KIRREL3: variants seen among roughly 807,000 people sequenced by gnomAD.
KIRREL3 encodes the protein kirre like nephrin family adhesion molecule 3.
A neutral mutation model predicts 89.7 loss-of-function variants in KIRREL3; 36 were observed. The ratio of observed to expected loss-of-function variants is 0.40; its 90% CI spans 0.31 to 0.53. The LOEUF is 0.53. Among genes scored for constraint, KIRREL3 ranks in the 20% least tolerant of loss-of-function variants. The probability of loss-of-function intolerance (pLI) is 0.49; values close to 1 mark genes in which losing one functional copy is unlikely to be tolerated. For synonymous variants in KIRREL3, 445 were observed against 441.4 expected (o/e 1.01, Z -0.10); for missense variants, 864 against 1,056.6 (o/e 0.82, Z 2.53).
In KIRREL3 at chr11:126,508,872, A is replaced by G. The variant is rs1411057350; in HGVS notation, c.433+12443T>C. 6.6e-6 allele frequency among the ~76,000 whole-genome samples: 1 copy of G among 152,176 alleles called. No individual in the cohort carries two copies. The highest frequency in any genetic ancestry group is 1.5e-5 in the Non-Finnish European group (1 of 68,032). ...TGGGTTCCTCAGCACAGTGCCTGTC[A>G]TAGAGTGGCAGCTCACCAGCGTCAC... On this transcript the variant is annotated intron_variant, in intron 4 of 16. Coordinates refer to ENST00000525144, the MANE Select transcript of KIRREL3 (RefSeq NM_032531.4). This position sits in a 1 kb window ranked among gnomAD's most constrained non-coding sequence, Gnocchi z 4.9.
At chr11:126,510,472 T>TTCCTTCCTTC (rs1565511108) in intron 4 of KIRREL3, among the ~76,000 whole-genome samples, 17 of 85,270 alleles carry the variant, frequency 2.0e-4, no homozygotes, top group African/African-American at 1.8e-3. Context: ...TTCCTTCCTT[T>TTCCTTCCTTC]TTTTTGAGAT....
rs1198247930 is a variant in KIRREL3, at chr11:126,640,012, C to G, written c.56-77100G>C. 2.0e-5 allele frequency among the ~76,000 whole-genome samples: 3 copies of G among 152,160 alleles called. No homozygotes were observed. Among genetic ancestry groups the G allele is most frequent in the Non-Finnish European group, 2.9e-5 (2 of 68,026 alleles). ...ACTTGATGTGACATCTGCATGAATA[C>G]TAAATAACTTCATTACGATCAGTAC... On this transcript the variant is annotated intron_variant, in intron 1 of 16. Coordinates refer to ENST00000525144, the MANE Select transcript of KIRREL3 (RefSeq NM_032531.4). The surrounding 1 kb of genome is among the most constrained non-coding windows in gnomAD (Gnocchi z 4.9).
chr11:126,928,757 T>A (rs1026150851), intron 1 of KIRREL3, among the ~76,000 whole-genome samples: 4 of 152,044 alleles, frequency 2.6e-5, no homozygotes, highest in African/African-American at 7.2e-5. Context: ...TTAAAGTTGG[T>A]TTGTTTTGTT....
intron 1 of KIRREL3, among the ~76,000 whole-genome samples, chr11:126,942,497 G>A (rs2135117804): frequency 6.6e-6 from 1 of 152,284 alleles, no homozygotes; most frequent in South Asian, 2.1e-4. Flanking sequence ...GGGAACAGAA[G>A]CTGGCCCTTC....
chr11:126,755,902 A>T lies in KIRREL3; in HGVS notation c.56-192990T>A, dbSNP rs941590442. Among the ~76,000 whole-genome samples, 7 of 144,100 alleles carry T rather than the reference A, an allele frequency of 4.9e-5. No homozygotes were observed. The highest frequency in any genetic ancestry group is 1.9e-4 in the African/African-American group (7 of 37,346). The allele number at this position is 144,100 out of a possible 152,430, so 94.5% of individuals were successfully genotyped here. ...ACAGAGAGAGAGAGAGAGAGAGAAG[A>T]CTGAGCTGAGCACCCAGCACCTAAT... On this transcript the variant is annotated intron_variant, in intron 1 of 16. Coordinates refer to ENST00000525144, the MANE Select transcript of KIRREL3 (RefSeq NM_032531.4). The surrounding 1 kb of genome is among the most constrained non-coding windows in gnomAD (Gnocchi z 4.3).
rs541265932 is a variant in KIRREL3, at chr11:126,985,654, G to A, written c.55+14801C>T. 5.9e-5 allele frequency among the ~76,000 whole-genome samples: 9 copies of A among 152,204 alleles called. No homozygotes were observed. Among genetic ancestry groups the A allele is most frequent in the East Asian group, 3.9e-4 (2 of 5,162 alleles). On this transcript the variant is annotated intron_variant, in intron 1 of 16. Coordinates refer to ENST00000525144, the MANE Select transcript of KIRREL3 (RefSeq NM_032531.4). The surrounding 1 kb of genome is among the most constrained non-coding windows in gnomAD (Gnocchi z 5.3). The stretch of plus-strand genomic sequence containing the variant: ...ACATTCGGACAATGTCAGCGGCTCC[G>A]TGTGTTGGAGTAAAGGGGCATATGA...
rs12574279 is a variant in KIRREL3, at chr11:126,647,722, T to C, written c.56-84810A>G. Among the ~76,000 whole-genome samples the C allele has an allele frequency of 1.2e-4, 19 of 152,342 alleles. No individual in the cohort carries two copies. In the East Asian group the frequency reaches 2.3e-3, roughly 19 times the overall value. On this transcript the variant is annotated intron_variant, in intron 1 of 16. Coordinates refer to ENST00000525144, the MANE Select transcript of KIRREL3 (RefSeq NM_032531.4). The surrounding 1 kb of genome is among the most constrained non-coding windows in gnomAD (Gnocchi z 4.9). ...AGAGCCTCCTAATTGGTCTCGCAGCTTCCATCCTTGTCTTCTGCTGTCTAG... is the reference window on the plus strand; with the variant it reads ...AGAGCCTCCTAATTGGTCTCGCAGCCTCCATCCTTGTCTTCTGCTGTCTAG...
upstream of KIRREL3, chr11:127,001,315 G>T (rs568520348): frequency 2.2e-3 from 33 of 15,050 alleles, no homozygotes; most frequent in African/African-American, 9.1e-3. Flanking sequence ...TGGTTGTGGT[G>T]GGGGGGGGGG....
At position 126,601,004 on chromosome 11, in the gene KIRREL3, T is replaced by C. The variant is rs1251555567; in HGVS notation, c.56-38092A>G. ...CTACCCCAGGAAGGTCAGCATCCAG[T>C]GACCTTTTCAGGAAATTACCCAGGA... is the stretch of plus-strand genomic sequence containing the variant. On this transcript the variant is annotated intron_variant, in intron 1 of 16. Coordinates refer to ENST00000525144, the MANE Select transcript of KIRREL3 (RefSeq NM_032531.4). This position sits in a 1 kb window ranked among gnomAD's most constrained non-coding sequence, Gnocchi z 5.8. Among the ~76,000 whole-genome samples the C allele has an allele frequency of 2.6e-5, 4 of 152,214 alleles. No individual in the cohort carries two copies. Among genetic ancestry groups the C allele is most frequent in the East Asian group, 1.9e-4 (1 of 5,206 alleles).
rs921968611 is a variant in KIRREL3, at chr11:126,566,535, G to C, written c.56-3623C>G. Among the ~76,000 whole-genome samples, 18 of 152,342 alleles carry C rather than the reference G, an allele frequency of 1.2e-4. No individual in the cohort carries two copies. Among genetic ancestry groups the C allele is most frequent in the African/African-American group, 4.3e-4 (18 of 41,570 alleles). On this transcript the variant is annotated intron_variant, in intron 1 of 16. Transcript: ENST00000525144. The surrounding 1 kb of genome is among the most constrained non-coding windows in gnomAD (Gnocchi z 4.9). The stretch of plus-strand genomic sequence containing the variant: ...CTCGGGTCAGAATGAAAATAAGTGG[G>C]CTTCACTGTAGCACAATGGGTTTAG...
intron 1 of KIRREL3, among the ~76,000 whole-genome samples, chr11:126,818,053 G>A (rs759866094): frequency 1.3e-5 from 2 of 152,196 alleles, no homozygotes; most frequent in African/African-American, 4.8e-5. Flanking sequence ...GGAACGTTTC[G>A]AGGATGCCTC....
At chr11:126,532,960 T>C (rs1958989284) in intron 2 of KIRREL3, among the ~76,000 whole-genome samples, 1 of 152,062 alleles carries the variant, frequency 6.6e-6, no homozygotes, top group Admixed American at 6.6e-5. Context: ...AATTAGTAAT[T>C]GCTAACTTTT....
chr11:126,889,932 G>A (rs1236015230), intron 1 of KIRREL3, among the ~76,000 whole-genome samples: 1 of 152,160 alleles, frequency 6.6e-6, no homozygotes, highest in Non-Finnish European at 1.5e-5. Flanking sequence ...CATATCCAAG[G>A]AAGTGGCACT....
chr11:126,589,852 C>T (rs777799197), intron 1 of KIRREL3, among the ~76,000 whole-genome samples: 10 of 152,166 alleles, frequency 6.6e-5, no homozygotes, highest in Non-Finnish European at 1.3e-4. Flanking sequence ...ATCCCTGCCT[C>T]CTGGGGCTGG....
At chr11:126,850,659 A>T (rs1018083182) in intron 1 of KIRREL3, among the ~76,000 whole-genome samples, 1 of 152,200 alleles carries the variant, frequency 6.6e-6, no homozygotes, top group Non-Finnish European at 1.5e-5. Context: ...CTGCCAACAG[A>T]GGAAGACTTT....
At position 126,697,906 on chromosome 11, in the gene KIRREL3, G is replaced by A. The variant is rs1009182649; in HGVS notation, c.56-134994C>T. Among the ~76,000 whole-genome samples, 1 of 152,328 alleles carries A rather than the reference G, an allele frequency of 6.6e-6. No homozygotes were observed. Among genetic ancestry groups the A allele is most frequent in the Non-Finnish European group, 1.5e-5 (1 of 68,028 alleles). ...AGGGAGAGTGAAGGAAGAAGAGAGG[G>A]AAAGTGATGAGAAGAGAGAGCCAGG... On this transcript the variant is annotated intron_variant, in intron 1 of 16. Transcript: ENST00000525144. This position sits in a 1 kb window ranked among gnomAD's most constrained non-coding sequence, Gnocchi z 4.2.
At chr11:126,746,863 G>A (rs1182880624) in intron 1 of KIRREL3, among the ~76,000 whole-genome samples, 1 of 152,186 alleles carries the variant, frequency 6.6e-6, no homozygotes, top group East Asian at 1.9e-4. Context: ...ACATCCTGCA[G>A]TCCCTCCCCT....
chr11:126,451,115 GTGTGTGTGTGCATGTGCA>G (rs1201879379), intron 7 of KIRREL3, among the ~76,000 whole-genome samples: 11 of 25,906 alleles, frequency 4.2e-4, no homozygotes, highest in East Asian at 4.1e-3. Context: ...ATGTGTGCAT[GTGTGTGTGTGCATGTGCA>G]TGTGTGTGCA....
chr11:126,474,526 G>A lies in KIRREL3; in HGVS notation c.434-1060C>T, dbSNP rs538417592. On this transcript the variant is annotated intron_variant, in intron 4 of 16. Transcript: ENST00000525144. This position sits in a 1 kb window ranked among gnomAD's most constrained non-coding sequence, Gnocchi z 6.7. ...CAGCGCTTCGGAGGGCTGTGTAAGC[G>A]CTGGCATCTCCTGAGCTCCTCACTC... is the stretch of plus-strand genomic sequence containing the variant. Among the ~76,000 whole-genome samples, 6 of 152,322 alleles carry A rather than the reference G, an allele frequency of 3.9e-5. No individual in the cohort carries two copies. The highest frequency in any genetic ancestry group is 2.1e-4 in the South Asian group (1 of 4,822).
Sources: gnomAD v4.1 joint callset for allele counts (sites outside exome capture counted in the v4.1 genomes callset) on GRCh38, gnomAD v4.1.1 for gene constraint, Gnocchi (gnomAD v3.1) non-coding constraint, MANE v1.5 for transcripts, NCBI Gene and HGNC (gene_info 2026-07-23, HGNC 2026-07-21) for gene names.